Variants in ADAMTS20 observed in about 807,000 individuals in gnomAD.
The protein encoded by ADAMTS20 is A disintegrin and metalloproteinase with thrombospondin motifs 20.
Under a neutral mutation model 260.1 loss-of-function variants are expected in ADAMTS20, and 225 were observed. That is an observed-to-expected ratio of 0.87 (90% CI 0.78 to 0.97). ADAMTS20 has a LOEUF of 0.97. Ranked by LOEUF, ADAMTS20 falls within the 50% of genes least tolerant of loss-of-function variation. The probability of loss-of-function intolerance (pLI) is 0.00; values close to 1 mark genes in which losing one functional copy is unlikely to be tolerated. For synonymous variants in ADAMTS20, 802 were observed against 769.5 expected, an observed-to-expected ratio of 1.04 and a Z score of -0.70; for missense variants, 2,400 against 2,337.7, an observed-to-expected ratio of 1.03 and a Z score of -0.55.
At chr12:43,476,558 C>T (rs1162094484) in intron 7 of ADAMTS20, among the ~76,000 whole-genome samples, 3 of 86,454 alleles carry the variant, frequency 3.5e-5, no homozygotes, top group Non-Finnish European at 4.4e-5. Context: ...ATGTTTATTG[C>T]GGCATTATTC....
At chr12:43,390,979 A>T (rs1428890353) in intron 29 of ADAMTS20, among the ~76,000 whole-genome samples, 3 of 151,926 alleles carry the variant, frequency 2.0e-5, no homozygotes, top group African/African-American at 7.3e-5. Flanking sequence ...ATTTTTTTTT[A>T]TCTTAGTCTA....
At chr12:43,507,155 A>T (rs1942857247) in intron 3 of ADAMTS20, among the ~76,000 whole-genome samples, 1 of 152,194 alleles carries the variant, frequency 6.6e-6, no homozygotes, top group Admixed American at 6.5e-5. Flanking sequence ...TGATGTGTTA[A>T]TTTGATTGTG....
chr12:43,416,655 G>A (rs1196274282), intron 28 of ADAMTS20, among the ~76,000 whole-genome samples: 9 of 151,778 alleles, frequency 5.9e-5, no homozygotes, highest in African/African-American at 1.7e-4. Context: ...CGAGTAGCTG[G>A]GACTACAGGC....
intron 11 of ADAMTS20, among the ~76,000 whole-genome samples, chr12:43,456,477 C>A (rs573293531): frequency 6.6e-6 from 1 of 152,124 alleles, no homozygotes; most frequent in East Asian, 1.9e-4. Flanking sequence ...TCTCATAACC[C>A]CGCCCCATGA....
chr12:43,501,154 G>A (rs1037132110), intron 4 of ADAMTS20, among the ~76,000 whole-genome samples: 1 of 145,154 alleles, frequency 6.9e-6, no homozygotes, highest in South Asian at 2.2e-4. Context: ...TGCCTCCCGG[G>A]TTCAAGCGAT....
At chr12:43,448,908 G>T (rs1160911117) in intron 14 of ADAMTS20, among the ~76,000 whole-genome samples, 6 of 152,120 alleles carry the variant, frequency 3.9e-5, no homozygotes, top group Admixed American at 3.3e-4. Context: ...CTGATCATTA[G>T]AGAAATGCAA....
At chr12:43,428,059 T>C (rs1224201820) in intron 26 of ADAMTS20, among the ~76,000 whole-genome samples, 182 bp downstream of exon 26, 1 of 152,206 alleles carries the variant, frequency 6.6e-6, no homozygotes, top group Non-Finnish European at 1.5e-5. Context: ...TAGTGCATAA[T>C]TCAATAAGAA....
chr12:43,487,192 AG>A (rs1245045134), intron 7 of ADAMTS20, among the ~76,000 whole-genome samples: 3 of 152,198 alleles, frequency 2.0e-5, no homozygotes, highest in Non-Finnish European at 4.4e-5. Context: ...GAGTGGGCAA[AG>A]AAAATGTGGT....
In ADAMTS20 at chr12:43,376,647, C is replaced by T. The variant is rs1361370629; in HGVS notation, c.5002G>A (p.Val1668Met). The change falls in exon 33 of 39, where the codon GTG becomes ATG. Residue 1668 changes from valine (V) to methionine (M), a missense_variant. Val to Met is a conservative substitution (Grantham distance 21). Coordinates refer to ENST00000389420, the MANE Select transcript of ADAMTS20 (RefSeq NM_025003.5). ...WKVGKWSKCS[V>M]TCGIGIMKRQ... is the part of the protein sequence containing the mutation. ...TTCATTATCCCAATTCCACAAGTCA[C>T]TGAGCACTGTGAAAAGAGTAAAATT... 3 of 1,606,966 alleles carry T rather than the reference C, an allele frequency of 1.9e-6. No individual in the cohort carries two copies. In the African/African-American group the frequency reaches 4.0e-5, roughly 22 times the overall value.
chr12:43,463,532 T>A (rs544796778), intron 10 of ADAMTS20, among the ~76,000 whole-genome samples: 1 of 152,298 alleles, frequency 6.6e-6, no homozygotes, highest in East Asian at 1.9e-4. Flanking sequence ...CCCAATATAA[T>A]TCCTTTCTTT....
chr12:43,477,142 A>G (rs1469524810), intron 7 of ADAMTS20, among the ~76,000 whole-genome samples: 2 of 152,094 alleles, frequency 1.3e-5, no homozygotes, highest in East Asian at 1.9e-4. Context: ...ATCACATTAT[A>G]CGTTTCTAAA....
At chr12:43,515,983 A>T (rs1180123822) in intron 3 of ADAMTS20, among the ~76,000 whole-genome samples, 1 of 152,200 alleles carries the variant, frequency 6.6e-6, no homozygotes, top group South Asian at 2.1e-4. Context: ...AACTGAATAC[A>T]TGCAAAAGAA....
chr12:43,447,637 C>T (rs572871031), intron 14 of ADAMTS20, among the ~76,000 whole-genome samples: 3 of 151,928 alleles, frequency 2.0e-5, no homozygotes, highest in South Asian at 4.2e-4. Flanking sequence ...AAAGTCCTGG[C>T]CAGAACAATC....
chr12:43,537,736 T>G (rs1186715438), intron 2 of ADAMTS20, among the ~76,000 whole-genome samples: 1 of 152,168 alleles, frequency 6.6e-6, no homozygotes, highest in Non-Finnish European at 1.5e-5. Flanking sequence ...TCAACTGTTT[T>G]GGGTTTTAGA....
chr12:43,483,864 G>C (rs1270991174), intron 7 of ADAMTS20, among the ~76,000 whole-genome samples: 1 of 152,130 alleles, frequency 6.6e-6, no homozygotes, highest in East Asian at 1.9e-4. Context: ...CTGGCCTGAA[G>C]CATGAACTAT....
chr12:43,446,551 T>G, intron 15 of ADAMTS20, 44 bp downstream of exon 15: 2 of 1,431,828 alleles, frequency 1.4e-6, no homozygotes, highest in Non-Finnish European at 9.8e-7. Context: ...ACTCCATTAT[T>G]ATACTAAATA....
At position 43,439,661 on chromosome 12, in the gene ADAMTS20, G is replaced by A. The variant is rs771270670; in HGVS notation, c.2554C>T (p.Pro852Ser). Residue 852 changes from proline (P) to serine (S), a missense_variant, in exon 18 of 39, where the codon CCC becomes TCC. Transcript: ENST00000389420. ...EERSDMFTWD[P>S]YGPWEGCTKM... is the part of the protein sequence containing the mutation. ...GTACAGCCTTCCCATGGTCCATAGGGGTCCCATGTGAACATGTCACTCCTC... is the reference window on the plus strand; with the variant it reads ...GTACAGCCTTCCCATGGTCCATAGGAGTCCCATGTGAACATGTCACTCCTC... 1 of 1,613,500 alleles carries A rather than the reference G, an allele frequency of 6.2e-7. No homozygotes were observed. The highest frequency in any genetic ancestry group is 1.7e-5 in the Admixed American group (1 of 59,964).
chr12:43,515,253 T>C (rs1219041047), intron 3 of ADAMTS20, among the ~76,000 whole-genome samples: 1 of 152,230 alleles, frequency 6.6e-6, no homozygotes. Flanking sequence ...TTATAATTTT[T>C]AACTTCTCTA....
Position 43,429,627 on chromosome 12 carries a change from G to T in ADAMTS20, c.3479C>A (p.Ser1160Tyr). 6.3e-7 allele frequency: 1 copy of T among 1,592,978 alleles called. No homozygotes were observed. Among genetic ancestry groups the T allele is most frequent in the Non-Finnish European group, 8.6e-7 (1 of 1,168,718 alleles). The stretch of plus-strand genomic sequence containing the variant: ...AAGAAATTCACTTACTGGGGTCCAA[G>T]AACCATGTCGCCATTGTGCCATCTT... Reference protein sequence around the residue: ...IKKMAQWRHGSWTPCSVSCGR... With the variant: ...IKKMAQWRHGYWTPCSVSCGR... Residue 1160 changes from serine (S) to tyrosine (Y), a missense_variant, in exon 24 of 39, where the codon TCT (serine) becomes TAT (tyrosine). Physicochemically the swap from Ser to Tyr is moderately radical, Grantham distance 144. Transcript: ENST00000389420.
Sources: gnomAD v4.1 joint callset for allele counts (sites outside exome capture counted in the v4.1 genomes callset) on GRCh38, gnomAD v4.1.1 for gene constraint, MANE v1.5 for transcripts, NCBI Gene and HGNC (gene_info 2026-07-23, HGNC 2026-07-21) for gene names.